ARAP3: variants seen among roughly 807,000 people sequenced by gnomAD.
The protein encoded by ARAP3 is arf-GAP with Rho-GAP domain, ANK repeat and PH domain-containing protein 3.
ARAP3 carries 82 observed loss-of-function variants against 169.2 expected under a neutral mutation model. The observed-to-expected ratio is 0.48, with a 90% confidence interval of 0.41 to 0.58. ARAP3 has a LOEUF of 0.58. Ranked by LOEUF, ARAP3 falls within the 20% of genes least tolerant of loss-of-function variation. ARAP3 has a pLI of 0.00. For synonymous variants in ARAP3, 791 were observed against 800.3 expected, an observed-to-expected ratio of 0.99 and a Z score of 0.20; for missense variants, 1,764 against 2,018.0, an observed-to-expected ratio of 0.87 and a Z score of 2.41.
chr5:141,655,225 T>TACACACACACACACACACACACAC (rs148481472), intron 32 of ARAP3, 137 bp downstream of exon 32: 9 of 491,126 alleles, frequency 1.8e-5, no homozygotes, highest in African/African-American at 1.5e-4. Context: ...CCTGATGGCC[T>TACACACACACACACACACACACAC]ACACACACAC....
rs1198725291 is a variant in ARAP3, at chr5:141,672,711, G to GCC, written c.1278+28_1278+29dup. The GCC allele has an allele frequency of 1.2e-6, 2 of 1,614,146 alleles. No individual in the cohort carries two copies. The highest frequency in any genetic ancestry group is 8.5e-7 in the Non-Finnish European group (1 of 1,180,004). ...GAGGTGCCAGAAGGGACTAGTTCAG[G>GCC]CCCCTCAGCCCTGGCCCGGCTCTCC... On this transcript the variant is annotated intron_variant, in intron 8 of 32. Transcript: ENST00000239440. This position sits in a 1 kb window ranked among gnomAD's most constrained non-coding sequence, Gnocchi z 4.9.
intron 16 of ARAP3, 59 bp downstream of exon 16, chr5:141,669,650 G>T: frequency 6.7e-7 from 1 of 1,494,070 alleles, no homozygotes; most frequent in Non-Finnish European, 9.3e-7. Context: ...AGGAGAAGAT[G>T]GGAGCACGTG....
chr5:141,678,187 G>T (rs1451010521), intron 4 of ARAP3, among the ~76,000 whole-genome samples: 1 of 152,144 alleles, frequency 6.6e-6, no homozygotes, highest in African/African-American at 2.4e-5. Flanking sequence ...CTGAACTCAG[G>T]TGGTCCGCCA....
At chr5:141,666,833 G>C (rs2099910715) in intron 16 of ARAP3, 190 bp from the exon 17 acceptor site, 1 of 415,802 alleles carries the variant, frequency 2.4e-6, no homozygotes, top group Middle Eastern at 6.0e-4. Context: ...GAGATGGTTG[G>C]AGAAAGACAG....
chr5:141,670,485 TC>T (rs1381257382), intron 14 of ARAP3, 26 bp downstream of exon 14: 6 of 1,600,576 alleles, frequency 3.7e-6, no homozygotes, highest in Non-Finnish European at 5.1e-6. Flanking sequence ...TGTCCCTGTA[TC>T]CTCCCATCCC....
chr5:141,674,982 G>A (rs1386594814), intron 4 of ARAP3, among the ~76,000 whole-genome samples: 1 of 152,124 alleles, frequency 6.6e-6, no homozygotes, highest in Non-Finnish European at 1.5e-5. Flanking sequence ...CGTCCCATTC[G>A]CACTTAGGTT....
In ARAP3 at chr5:141,664,933, A is replaced by G; in HGVS notation, c.2789T>C (p.Val930Ala). Residue 930 changes from valine (V) to alanine (A), a missense_variant, in exon 19 of 33, where the codon GTT becomes GCT. Physicochemically the swap from Val to Ala is moderately conservative, Grantham distance 64 (BLOSUM62 0). Around this residue, in one of 3 missense-constraint regions of ARAP3, gnomAD observed 1,112 missense variants for 1,285.7 expected, o/e 0.86. Coordinates refer to ENST00000239440, the MANE Select transcript of ARAP3 (RefSeq NM_022481.6). ...CAGTGCCTACTCACCATGCTGGGTAACAAAACTGATGCAGGCATCCACGAT... is the reference window on the plus strand; with the variant it reads ...CAGTGCCTACTCACCATGCTGGGTAGCAAAACTGATGCAGGCATCCACGAT... ...PIIVDACISF[V>A]TQHGLRLEGV... The G allele has an allele frequency of 6.5e-7, 1 of 1,533,634 alleles. No individual in the cohort carries two copies. Among genetic ancestry groups the G allele is most frequent in the South Asian group, 1.1e-5 (1 of 89,840 alleles).
At chr5:141,680,877 C>G in intron 1 of ARAP3, 1 of 222,468 alleles carries the variant, frequency 4.5e-6, no homozygotes, top group Admixed American at 5.5e-5. Context: ...TGCTGTGGGT[C>G]AGAGTGGGAT....
chr5:141,659,668 G>GC (rs2099909692), intron 22 of ARAP3, 111 bp downstream of exon 22: 3 of 1,467,148 alleles, frequency 2.0e-6, no homozygotes, highest in Middle Eastern at 4.6e-4. Context: ...GGTATAGCTG[G>GC]CCACCAGAGG....
In ARAP3 at chr5:141,680,331, T is replaced by C; in HGVS notation, c.156A>G (p.Thr52=). 1 of 1,614,252 alleles carries C rather than the reference T, an allele frequency of 6.2e-7. No homozygotes were observed. The highest frequency in any genetic ancestry group is 8.5e-7 in the Non-Finnish European group (1 of 1,180,040). ...EELKQLGISA[T]GHRKRILRLL... ...GGCGTAGAATGCGTTTCCGGTGCCC[T>C]GTGGCGCTGATGCCCAACTGCTTCA... The change falls in exon 2 of 33, where the codon ACA becomes ACG. Residue 52 remains threonine (T), a synonymous_variant. Transcript: ENST00000239440.
chr5:141,680,108 T>C lies in ARAP3; in HGVS notation c.379A>G (p.Arg127Gly), dbSNP rs1011496173. 1.4e-5 allele frequency: 23 copies of C among 1,612,926 alleles called. No individual in the cohort carries two copies. Among genetic ancestry groups the C allele is most frequent in the Non-Finnish European group, 1.9e-5 (22 of 1,179,392 alleles). The change falls in exon 2 of 33, where the codon AGG (arginine) becomes GGG (glycine). Residue 127 changes from arginine (R) to glycine (G), a missense_variant. Physicochemically the swap from Arg to Gly is moderately radical, Grantham distance 125 (BLOSUM62 -2). Coordinates refer to ENST00000239440, the MANE Select transcript of ARAP3 (RefSeq NM_022481.6). ...GGCCTTGGGCTGGGCTCTGGGCTCC[T>C]GGACACTCCTGGTCCCCCGAGGGCT... ...SPALGGPGVS[R>G]SPEPSPRPPP...
chr5:141,678,189 G>A (rs1196996500), intron 4 of ARAP3, among the ~76,000 whole-genome samples: 1 of 152,116 alleles, frequency 6.6e-6, no homozygotes, highest in African/African-American at 2.4e-5. Flanking sequence ...GAACTCAGGT[G>A]GTCCGCCAAC....
intron 1 of ARAP3, 73 bp from the exon 2 acceptor site, chr5:141,680,576 G>T: frequency 6.8e-7 from 1 of 1,462,270 alleles, no homozygotes; most frequent in South Asian, 1.4e-5. Flanking sequence ...TCTGAGGCCT[G>T]GACAGTGAGC....
chr5:141,655,330 A>G (rs1471981163), intron 32 of ARAP3, 32 bp downstream of exon 32: 2 of 1,565,290 alleles, frequency 1.3e-6, no homozygotes, highest in South Asian at 2.4e-5. Context: ...CAGGGTTGAC[A>G]GGCACACCGC....
intron 16 of ARAP3, among the ~76,000 whole-genome samples, 186 bp downstream of exon 16, chr5:141,669,523 T>C (rs571479716): frequency 1.1e-4 from 17 of 151,674 alleles, no homozygotes; most frequent in African/African-American, 4.1e-4. Context: ...CCTCAGAGAG[T>C]GGTTGTGAAA....
rs1320770056 is a variant in ARAP3 at position 141,665,312 on chromosome 5, T to C, written c.2635A>G (p.Arg879Gly). ...AGGTCAAGGGCAGGGGCAATTTACC[T>C]TCCTGTCTCCACCAGGACCAAATGC... ...KEHLVLVETGRTLYLQGEGRL... is the reference protein window; with the variant it reads ...KEHLVLVETGGTLYLQGEGRL... Residue 879 changes from arginine to glycine, a missense_variant and splice_region_variant, in exon 18 of 33, where the codon AGG (arginine) becomes GGG (glycine). Physicochemically the swap from Arg to Gly is moderately radical, Grantham distance 125. Transcript: ENST00000239440. 1 of 1,614,170 alleles carries C rather than the reference T, an allele frequency of 6.2e-7. No homozygotes were observed. Among genetic ancestry groups the C allele is most frequent in the Non-Finnish European group, 8.5e-7 (1 of 1,180,012 alleles).
chr5:141,673,703 G>C lies in ARAP3; in HGVS notation c.804C>G (p.Thr268=). 1 of 1,614,176 alleles carries C rather than the reference G, an allele frequency of 6.2e-7. No homozygotes were observed. The highest frequency in any genetic ancestry group is 8.5e-7 in the Non-Finnish European group (1 of 1,180,048). ...CATAGGGTGAAATGAGGTCATCACT[G>C]GTCTCCTCTGTTTCCAGGGTGGGCG... is the stretch of plus-strand genomic sequence containing the variant. ...LLSPTLETEE[T]SDDLISPYAS... The change falls in exon 5 of 33, where the codon ACC becomes ACG. Residue 268 remains threonine, a synonymous_variant. Coordinates refer to ENST00000239440, the MANE Select transcript of ARAP3 (RefSeq NM_022481.6).
intron 21 of ARAP3, 99 bp downstream of exon 21, chr5:141,661,585 G>A (rs2099909984): frequency 2.4e-6 from 3 of 1,251,486 alleles, no homozygotes; most frequent in Non-Finnish European, 3.4e-6. Flanking sequence ...ACAACTGTTT[G>A]TGGAATGAAC....
At chr5:141,666,039 C>CAAA (rs764552450) in intron 17 of ARAP3, among the ~76,000 whole-genome samples, 18 of 116,208 alleles carry the variant, frequency 1.5e-4, no homozygotes, top group African/African-American at 3.0e-4. Context: ...ACTCTGTCTC[C>CAAA]AAAAAAAAAA....
Sources: allele counts gnomAD v4.1 joint callset (sites outside exome capture counted in the v4.1 genomes callset), GRCh38; gene constraint gnomAD v4.1.1; regional missense constraint gnomAD v4.1.1; non-coding constraint Gnocchi (gnomAD v3.1); transcripts MANE v1.5; gene names NCBI Gene and HGNC (gene_info 2026-07-23, HGNC 2026-07-21).